ARB2A: variants seen among roughly 807,000 people sequenced by gnomAD.
ARB2A encodes the protein cotranscriptional regulator ARB2A.
the ARB2A span, among the ~76,000 whole-genome samples, chr5:94,108,152 T>G: frequency 6.6e-6 from 1 of 152,132 alleles, no homozygotes; most frequent in South Asian, 2.1e-4. Context: ...AGAACACGTC[T>G]TTTCTGTTTC....
chr5:93,731,276 C>G, the ARB2A span, among the ~76,000 whole-genome samples: 1 of 152,172 alleles, frequency 6.6e-6, no homozygotes, highest in East Asian at 1.9e-4. Context: ...AGGGTAGGTC[C>G]TAATGCAATA....
the ARB2A span, among the ~76,000 whole-genome samples, chr5:93,671,648 CT>C: frequency 6.6e-6 from 1 of 152,062 alleles, no homozygotes; most frequent in Admixed American, 6.5e-5. Context: ...TTTAATACTT[CT>C]TTCCAGAATT....
the ARB2A span, among the ~76,000 whole-genome samples, chr5:93,806,751 A>T: frequency 6.6e-6 from 1 of 151,924 alleles, no homozygotes; most frequent in East Asian, 1.9e-4. Context: ...TAAAGTAGAA[A>T]GAGATTTCTA....
chr5:93,776,696 T>G, the ARB2A span, among the ~76,000 whole-genome samples: 4 of 152,160 alleles, frequency 2.6e-5, no homozygotes, highest in Non-Finnish European at 5.9e-5. Context: ...AAGAATGGCT[T>G]GAACCCAGGA....
At chr5:93,804,773 A>G in the ARB2A span, 5 of 478,284 alleles carry the variant, frequency 1.0e-5, no homozygotes, top group African/African-American at 1.0e-4. Flanking sequence ...TTCCTCAGAA[A>G]AGAAATGCTT....
chr5:93,933,466 G>A, the ARB2A span, among the ~76,000 whole-genome samples: 3 of 152,134 alleles, frequency 2.0e-5, no homozygotes, highest in Non-Finnish European at 4.4e-5. Context: ...GGAGTACTAT[G>A]CAGCCATAAA....
the ARB2A span, among the ~76,000 whole-genome samples, chr5:93,971,928 C>T: frequency 6.6e-6 from 1 of 152,110 alleles, no homozygotes. Flanking sequence ...CTACCTGGGT[C>T]AAAGGAAATG....
chr5:93,799,117 C>A, the ARB2A span, among the ~76,000 whole-genome samples: 1 of 152,064 alleles, frequency 6.6e-6, no homozygotes, highest in Non-Finnish European at 1.5e-5. Flanking sequence ...CAACAAACAT[C>A]CCAGCTGATG....
chr5:93,958,698 T>G, the ARB2A span: 1 of 1,036,834 alleles, frequency 9.6e-7, no homozygotes. Context: ...TAGGATATAC[T>G]TTTTGAAGAA....
chr5:93,867,519 G>A, the ARB2A span, among the ~76,000 whole-genome samples: 1 of 152,130 alleles, frequency 6.6e-6, no homozygotes, highest in Non-Finnish European at 1.5e-5. Context: ...CCAGGTTCAA[G>A]CGATTCTCCT....
At chr5:93,621,209 C>A in the ARB2A span, 2 of 1,370,866 alleles carry the variant, frequency 1.5e-6, no homozygotes, top group Middle Eastern at 2.8e-4. Flanking sequence ...CAGGCCGAGC[C>A]CCGGCTCCCG....
the ARB2A span, among the ~76,000 whole-genome samples, chr5:94,072,259 G>A: frequency 6.6e-6 from 1 of 152,062 alleles, no homozygotes; most frequent in African/African-American, 2.4e-5. Context: ...TAACAGAAGG[G>A]ACTTGCTAGT....
the ARB2A span, among the ~76,000 whole-genome samples, chr5:93,623,084 T>C: frequency 2.6e-5 from 4 of 152,242 alleles, no homozygotes; most frequent in South Asian, 8.3e-4. Flanking sequence ...GATAGGGTTA[T>C]CAAATGTGTG....
chr5:93,675,722 G>T, the ARB2A span, among the ~76,000 whole-genome samples: 1 of 152,198 alleles, frequency 6.6e-6, no homozygotes, highest in African/African-American at 2.4e-5. Context: ...TCCATATCAA[G>T]AAGTATTTTT....
chr5:93,744,991 A>G, the ARB2A span, among the ~76,000 whole-genome samples: 1 of 152,222 alleles, frequency 6.6e-6, no homozygotes, highest in Non-Finnish European at 1.5e-5. Context: ...AGGGAAGTTA[A>G]GAAGTTTTCT....
the ARB2A span, among the ~76,000 whole-genome samples, chr5:94,002,700 CTT>C: frequency 3.4e-5 from 5 of 146,958 alleles, no homozygotes; most frequent in African/African-American, 1.2e-4. Flanking sequence ...AAGTCTCTTT[CTT>C]TTTTTTTAAA....
At chr5:93,917,894 A>C in the ARB2A span, among the ~76,000 whole-genome samples, 1 of 152,046 alleles carries the variant, frequency 6.6e-6, no homozygotes, top group South Asian at 2.1e-4. Context: ...AAAACAAAAC[A>C]GTGGTTCTTT....
chr5:93,882,440 G>A, the ARB2A span, among the ~76,000 whole-genome samples: 1 of 148,284 alleles, frequency 6.7e-6, no homozygotes, highest in East Asian at 2.0e-4. Flanking sequence ...AATAAGCAAG[G>A]TTCCAAAGTT....
chr5:93,789,212 T>G, the ARB2A span, among the ~76,000 whole-genome samples: 1 of 152,236 alleles, frequency 6.6e-6, no homozygotes, highest in African/African-American at 2.4e-5. Flanking sequence ...TTACAGCATG[T>G]GAATTACTTG....
Sources: allele counts gnomAD v4.1 joint callset (sites outside exome capture counted in the v4.1 genomes callset), GRCh38; gene constraint gnomAD v4.1.1; transcripts MANE v1.5; gene names NCBI Gene and HGNC (gene_info 2026-07-23, HGNC 2026-07-21).